Variants in CLDN10 observed in about 807,000 individuals in gnomAD.
CLDN10 encodes claudin-10.
A neutral mutation model predicts 22.9 loss-of-function variants in CLDN10; 15 were observed. The ratio of observed to expected loss-of-function variants is 0.65; its 90% CI spans 0.44 to 1.01. The LOEUF is 1.01. CLDN10 is among the 50% of genes least tolerant of loss of function. CLDN10 has a pLI of 0.00. For missense variants in CLDN10, 247 were observed against 287.8 expected, an observed-to-expected ratio of 0.86 and a Z score of 1.03; for synonymous variants, 114 against 111.4, an observed-to-expected ratio of 1.02 and a Z score of -0.15.
intron 1 of CLDN10, among the ~76,000 whole-genome samples, chr13:95,501,994 C>T (rs894470256): frequency 5.3e-5 from 8 of 152,162 alleles, no homozygotes; most frequent in African/African-American, 1.7e-4. Context: ...ACACCCTTAA[C>T]TTATCAGGGT....
At chr13:95,517,488 C>T (rs2043181865) in intron 1 of CLDN10, among the ~76,000 whole-genome samples, 1 of 152,122 alleles carries the variant, frequency 6.6e-6, no homozygotes, top group Non-Finnish European at 1.5e-5. Context: ...CACTGTAGTC[C>T]CAAACAATGA....
chr13:95,471,440 C>CACACACACACATAT (rs746573300), intron 1 of CLDN10, among the ~76,000 whole-genome samples: 10 of 104,378 alleles, frequency 9.6e-5, no homozygotes, highest in South Asian at 3.1e-4. Flanking sequence ...CACACACACA[C>CACACACACACATAT]ATATATATAT....
intron 3 of CLDN10, among the ~76,000 whole-genome samples, chr13:95,569,539 G>C (rs904540861): frequency 6.6e-6 from 1 of 151,988 alleles, no homozygotes; most frequent in African/African-American, 2.4e-5. Flanking sequence ...AGCTGAGATC[G>C]CACCACTGCA....
rs187104057 is a variant in CLDN10, at chr13:95,530,359, C to T, written c.215-29773C>T. ...CACAACATTTGTGAGTGGCATGAGA[C>T]GAAGACTCATGGCAGGTTGTAAGCG... On this transcript the variant is annotated intron_variant, in intron 1 of 4. Coordinates refer to the CLDN10 transcript ENST00000376873. Among the ~76,000 whole-genome samples, 15 of 152,248 alleles carry T rather than the reference C, an allele frequency of 9.9e-5. No individual in the cohort carries two copies. The East Asian group carries it at 2.7e-3, about 27-fold the overall frequency.
At chr13:95,575,792 C>T (rs937289823) in intron 3 of CLDN10, among the ~76,000 whole-genome samples, 6 of 152,216 alleles carry the variant, frequency 3.9e-5, no homozygotes, top group African/African-American at 1.4e-4. Flanking sequence ...GGAAAGGCAA[C>T]ACAAGAGTGA....
chr13:95,456,853 C>T (rs1314474184), intron 1 of CLDN10, among the ~76,000 whole-genome samples: 4 of 152,142 alleles, frequency 2.6e-5, no homozygotes, highest in Non-Finnish European at 5.9e-5. Context: ...AAAGACAGAT[C>T]ACAAAAAAGC....
At chr13:95,433,857 T>C in exon 1 of CLDN10, 1 of 1,614,134 alleles carries the variant, frequency 6.2e-7, no homozygotes, top group South Asian at 1.1e-5. Flanking sequence ...AGATCTGGGC[T>C]CTGGTGTCTG....
At chr13:95,491,445 A>G (rs545589293) in intron 1 of CLDN10, among the ~76,000 whole-genome samples, 28 of 151,884 alleles carry the variant, frequency 1.8e-4, no homozygotes, top group African/African-American at 6.5e-4. Context: ...TGCTTGTTCA[A>G]TTCTATTGCT....
intron 3 of CLDN10, 117 bp from the exon 4 acceptor site, chr13:95,577,114 C>A: frequency 2.9e-6 from 2 of 696,978 alleles, no homozygotes; most frequent in South Asian, 1.9e-5. Flanking sequence ...ATTTCCTTTA[C>A]AATTTTCAAT....
chr13:95,529,743 C>T (rs1157478169), intron 1 of CLDN10, among the ~76,000 whole-genome samples: 1 of 152,112 alleles, frequency 6.6e-6, no homozygotes, highest in Non-Finnish European at 1.5e-5. Context: ...GATTTTTATA[C>T]AAATAAGTAG....
chr13:95,473,156 AAAAG>A (rs1344861352), intron 1 of CLDN10, among the ~76,000 whole-genome samples: 1 of 103,830 alleles, frequency 9.6e-6, no homozygotes, highest in African/African-American at 8.5e-5. Flanking sequence ...AAAAAAAAAA[AAAAG>A]GAGAGAGAGA....
intron 1 of CLDN10, among the ~76,000 whole-genome samples, chr13:95,532,926 A>G (rs1290742902): frequency 6.6e-6 from 1 of 152,058 alleles, no homozygotes; most frequent in African/African-American, 2.4e-5. Context: ...ATAAAGTTCT[A>G]GAATAGATAA....
rs374113384 is a variant in CLDN10, at chr13:95,448,891, C to T, written c.214+14844C>T. ...AGTAGCTGGGATTATAGGCGCATGC[C>T]ACCACGCCCAGCTATTTTTGTATTT... On this transcript the variant is annotated intron_variant, in intron 1 of 4. Transcript: ENST00000376873. 3.4e-4 allele frequency among the ~76,000 whole-genome samples: 48 copies of T among 140,924 alleles called. No individual in the cohort carries two copies. In the East Asian group the frequency reaches 8.5e-3, roughly 25 times the overall value. 92.5% of individuals were successfully genotyped at this position (140,924 alleles called of 152,430 possible). A position where few individuals can be genotyped will look rare whatever the true frequency, so the allele number is the denominator to read the frequency against.
At chr13:95,449,753 T>TC in intron 1 of CLDN10, among the ~76,000 whole-genome samples, 1 of 150,054 alleles carries the variant, frequency 6.7e-6, no homozygotes, top group Admixed American at 6.6e-5. Flanking sequence ...TTTTTTTTTT[T>TC]TTCTTTTTGA....
chr13:95,538,996 C>T (rs768005377), intron 1 of CLDN10, among the ~76,000 whole-genome samples: 16 of 152,196 alleles, frequency 1.1e-4, no homozygotes, highest in Non-Finnish European at 1.9e-4. Flanking sequence ...TCTCTGGCCT[C>T]AGCCTCCCGA....
chr13:95,534,452 T>C (rs1338405469), intron 1 of CLDN10, among the ~76,000 whole-genome samples: 5 of 152,192 alleles, frequency 3.3e-5, no homozygotes, highest in African/African-American at 7.2e-5. Flanking sequence ...TTAACTATAC[T>C]CCTGTCAAAT....
At chr13:95,512,006 C>A (rs938115750) in intron 1 of CLDN10, among the ~76,000 whole-genome samples, 3 of 132,330 alleles carry the variant, frequency 2.3e-5, no homozygotes, top group South Asian at 5.0e-4. Flanking sequence ...CCTCTCCCCC[C>A]ACCCCACAAC....
intron 1 of CLDN10, among the ~76,000 whole-genome samples, chr13:95,474,995 G>T (rs534971324): frequency 1.7e-4 from 26 of 152,274 alleles, no homozygotes; most frequent in Admixed American, 1.3e-3. Context: ...TGGAGAGGAG[G>T]GTTCAAAACT....
intron 1 of CLDN10, among the ~76,000 whole-genome samples, chr13:95,522,100 C>CG (rs1157059427): frequency 1.3e-5 from 2 of 151,834 alleles, no homozygotes; most frequent in Non-Finnish European, 2.9e-5. Flanking sequence ...CTAATGTCTT[C>CG]AAAGAAACAA....
Sources: gnomAD v4.1 joint callset for allele counts (sites outside exome capture counted in the v4.1 genomes callset) on GRCh38, gnomAD v4.1.1 for gene constraint, MANE v1.5 for transcripts, NCBI Gene and HGNC (gene_info 2026-07-23, HGNC 2026-07-21) for gene names.